The following PABPC4L variants were observed in gnomAD, a reference collection of about 807,000 sequenced individuals.
The protein encoded by PABPC4L is poly(A) binding protein cytoplasmic 4 like, also known as polyadenylate-binding protein 4-like.
For synonymous variants in PABPC4L, 169 were observed against 164.1 expected (o/e 1.03, Z -0.23); for missense variants, 452 against 451.4 (o/e 1.00, Z -0.01).
chr4:134,146,457 C>G, the PABPC4L span, among the ~76,000 whole-genome samples: 2 of 151,940 alleles, frequency 1.3e-5, no homozygotes, highest in African/African-American at 2.4e-5. Flanking sequence ...TGGCACCCAG[C>G]AGCTTCTTCT....
chr4:133,969,808 A>C, the PABPC4L span, among the ~76,000 whole-genome samples: 1 of 152,092 alleles, frequency 6.6e-6, no homozygotes, highest in Non-Finnish European at 1.5e-5. Flanking sequence ...CCAAACACAC[A>C]AACAAAAACG....
At chr4:134,177,516 T>G in the PABPC4L span, among the ~76,000 whole-genome samples, 1 of 152,088 alleles carries the variant, frequency 6.6e-6, no homozygotes, top group Admixed American at 6.6e-5. Context: ...AGGGCACATC[T>G]TCCTGTTGTC....
chr4:134,054,334 A>T, the PABPC4L span, among the ~76,000 whole-genome samples: 537 of 143,040 alleles, frequency 3.8e-3, 8 homozygotes, highest in East Asian at 0.046. Flanking sequence ...TTTTAAATAA[A>T]TTTTTTTTTA....
chr4:134,192,761 A>G (rs1008750800), downstream of PABPC4L, among the ~76,000 whole-genome samples: 2 of 152,138 alleles, frequency 1.3e-5, no homozygotes, highest in Non-Finnish European at 2.9e-5. Context: ...AGTATGTGAC[A>G]CAAGAGGATT....
the PABPC4L span, among the ~76,000 whole-genome samples, chr4:133,991,870 G>C: frequency 6.6e-6 from 1 of 152,156 alleles, no homozygotes; most frequent in Non-Finnish European, 1.5e-5. Context: ...CTTGCACTCA[G>C]GTCACAAGTG....
At chr4:134,011,640 C>A in the PABPC4L span, among the ~76,000 whole-genome samples, 1 of 151,436 alleles carries the variant, frequency 6.6e-6, no homozygotes, top group Non-Finnish European at 1.5e-5. Flanking sequence ...TCTTTTTTTG[C>A]CCTACAAACT....
chr4:134,072,722 A>C, the PABPC4L span, among the ~76,000 whole-genome samples: 1 of 152,262 alleles, frequency 6.6e-6, no homozygotes, highest in African/African-American at 2.4e-5. Context: ...AGGCTTAATT[A>C]ACTCATAGTT....
chr4:134,091,037 GA>G, the PABPC4L span, among the ~76,000 whole-genome samples: 3 of 151,726 alleles, frequency 2.0e-5, no homozygotes, highest in East Asian at 1.9e-4. Flanking sequence ...AGTGATATAA[GA>G]AAAAAAATGT....
At chr4:134,129,080 G>A in the PABPC4L span, among the ~76,000 whole-genome samples, 3 of 151,972 alleles carry the variant, frequency 2.0e-5, no homozygotes, top group South Asian at 4.2e-4. Flanking sequence ...AGGACAAAAC[G>A]GACATTATAT....
At chr4:134,080,606 T>C in the PABPC4L span, among the ~76,000 whole-genome samples, 2 of 152,168 alleles carry the variant, frequency 1.3e-5, no homozygotes, top group Non-Finnish European at 2.9e-5. Context: ...GCTTATGAAA[T>C]AAGAAGGAGT....
At chr4:134,146,255 T>C in the PABPC4L span, among the ~76,000 whole-genome samples, 36 of 152,086 alleles carry the variant, frequency 2.4e-4, no homozygotes, top group African/African-American at 3.4e-4. Context: ...TACATTCTCA[T>C]GTCTAATGTC....
At chr4:134,139,698 C>CTT in the PABPC4L span, among the ~76,000 whole-genome samples, 281 of 148,692 alleles carry the variant, frequency 1.9e-3, 1 homozygote, top group East Asian at 6.9e-3. Context: ...TATTTTTTTA[C>CTT]TTTTTTTTTT....
the PABPC4L span, among the ~76,000 whole-genome samples, chr4:134,087,144 G>A: frequency 2.4e-4 from 37 of 151,938 alleles, no homozygotes; most frequent in African/African-American, 6.5e-4. Flanking sequence ...TGTTTATTGC[G>A]GCATTATTCA....
At chr4:134,091,758 A>C in the PABPC4L span, among the ~76,000 whole-genome samples, 1 of 151,960 alleles carries the variant, frequency 6.6e-6, no homozygotes, top group Non-Finnish European at 1.5e-5. Context: ...TTTCCATCAT[A>C]TATAGAAATA....
At chr4:134,002,160 G>C in the PABPC4L span, among the ~76,000 whole-genome samples, 2 of 151,690 alleles carry the variant, frequency 1.3e-5, no homozygotes, top group Non-Finnish European at 2.9e-5. Context: ...ATAATAATTG[G>C]ACAGCTTCAA....
In PABPC4L at chr4:134,200,693, G is replaced by C; in HGVS notation, c.327C>G (p.Ile109Met). 1 of 1,551,620 alleles carries C rather than the reference G, an allele frequency of 6.4e-7. No individual in the cohort carries two copies. Among genetic ancestry groups the C allele is most frequent in the Non-Finnish European group, 8.7e-7 (1 of 1,146,954 alleles). The change falls in exon 2 of 2, where the codon ATC (isoleucine) becomes ATG (methionine). Residue 109 changes from isoleucine (I) to methionine (M), a missense_variant. By Grantham distance (10) the Ile-to-Met change is conservative (BLOSUM62 1). Coordinates refer to ENST00000421491, the MANE Select transcript of PABPC4L (RefSeq NM_001114734.2). ...NVFIKNLDKS[I>M]DNKTLYEHFS... ...AATGTTCATAAAGGGTTTTGTTATC[G>C]ATAGATTTGTCCAGATTCTTGATGA... is the stretch of plus-strand genomic sequence containing the variant.
At chr4:134,021,522 G>T in the PABPC4L span, among the ~76,000 whole-genome samples, 2 of 152,246 alleles carry the variant, frequency 1.3e-5, no homozygotes, top group East Asian at 3.9e-4. Flanking sequence ...GTAATTTTGA[G>T]AGGAGCTCCA....
chr4:134,012,197 T>C, the PABPC4L span, among the ~76,000 whole-genome samples: 6 of 152,242 alleles, frequency 3.9e-5, no homozygotes, highest in East Asian at 1.2e-3. Context: ...TAAACTTTTA[T>C]TTTGCATTCA....
the PABPC4L span, among the ~76,000 whole-genome samples, chr4:134,137,352 T>C: frequency 6.6e-6 from 1 of 151,946 alleles, no homozygotes; most frequent in African/African-American, 2.4e-5. Context: ...ACTTCTCCTT[T>C]ACTCAAGGAT....
Sources: gnomAD v4.1 joint callset for allele counts (sites outside exome capture counted in the v4.1 genomes callset) on GRCh38, gnomAD v4.1.1 for gene constraint, MANE v1.5 for transcripts, NCBI Gene and HGNC (gene_info 2026-07-23, HGNC 2026-07-21) for gene names.